Variants in LRP2 observed in about 807,000 individuals in gnomAD.
The protein encoded by LRP2 is LDL receptor related protein 2, also known as low-density lipoprotein receptor-related protein 2.
A neutral mutation model predicts 531.0 loss-of-function variants in LRP2; 172 were observed. The observed-to-expected ratio is 0.32, with a 90% CI of 0.29 to 0.37. The LOEUF (loss-of-function observed/expected upper bound fraction) is 0.37. Among genes scored for constraint, LRP2 ranks in the 10% least tolerant of loss-of-function variants. The pLI is 1.00. For missense variants in LRP2, 5,167 were observed against 5,868.3 expected (o/e 0.88, Z 3.90); for synonymous variants, 1,992 against 2,027.6 (o/e 0.98, Z 0.47).
intron 14 of LRP2, among the ~76,000 whole-genome samples, chr2:169,273,687 ACTG>A (rs1683480677): frequency 6.6e-6 from 1 of 152,220 alleles, no homozygotes; most frequent in Non-Finnish European, 1.5e-5. Context: ...TAGGAAGAGC[ACTG>A]CCACAGCTAG....
At chr2:169,181,763 A>G (rs960068882) in intron 51 of LRP2, 145 bp from the exon 52 acceptor site, 36 of 664,074 alleles carry the variant, frequency 5.4e-5, no homozygotes, top group Non-Finnish European at 9.0e-5. Context: ...TTCAGAAAAG[A>G]AAGAGAGCTA....
chr2:169,147,095 A>C lies in LRP2; in HGVS notation c.12591-136T>G, dbSNP rs112018036. On this transcript the variant is annotated intron_variant, in intron 68 of 78. Coordinates refer to ENST00000649046, the MANE Select transcript of LRP2 (RefSeq NM_004525.3). ...GGGTGCTCAGTGACACCAGTTTTAT[A>C]TTTTACAGAAGATGGGGAGCAAAAA... 1.1e-5 allele frequency: 8 copies of C among 721,816 alleles called. No homozygotes were observed. The South Asian group carries it at 1.3e-4, about 11-fold the overall frequency. The allele number at this position is 721,816 out of a possible 1,614,324, so 44.7% of individuals were successfully genotyped here. A position where few individuals can be genotyped will look rare whatever the true frequency, so the allele number is the denominator to read the frequency against.
At chr2:169,270,767 T>C (rs1683389310) in intron 16 of LRP2, 137 bp downstream of exon 16, 2 of 328,374 alleles carry the variant, frequency 6.1e-6, no homozygotes, top group Non-Finnish European at 1.1e-5. Flanking sequence ...TATAAATAAA[T>C]AAATAAATAA....
chr2:169,273,925 T>A (rs1204789161), intron 14 of LRP2, among the ~76,000 whole-genome samples: 2 of 152,146 alleles, frequency 1.3e-5, no homozygotes, highest in Non-Finnish European at 2.9e-5. Flanking sequence ...TAAAAACTAT[T>A]CAAAACAGAT....
chr2:169,171,055 C>A (rs1423855858), intron 58 of LRP2, among the ~76,000 whole-genome samples: 1 of 150,876 alleles, frequency 6.6e-6, no homozygotes, highest in East Asian at 1.9e-4. Context: ...TCCACCATGC[C>A]CAGCTTGATT....
chr2:169,246,814 G>C lies in LRP2; in HGVS notation c.3081C>G (p.Gly1027=). 2 of 1,614,170 alleles carry C rather than the reference G, an allele frequency of 1.2e-6. No homozygotes were observed. The highest frequency in any genetic ancestry group is 1.7e-6 in the Non-Finnish European group (2 of 1,180,040). The change falls in exon 21 of 79, where the codon GGC becomes GGG. Residue 1027 remains glycine (G), a synonymous_variant. Transcript: ENST00000649046. ...CATTTTTACAGGGGAAGGAAAATAAGCCACACTGCTCTGTGGGTGGTTCAT... is the reference window on the plus strand; with the variant it reads ...CATTTTTACAGGGGAAGGAAAATAACCCACACTGCTCTGTGGGTGGTTCAT... ...PTNEPPTEQC[G]LFSFPCKNGR...
Position 169,234,898 on chromosome 2 carries a change from T to C in LRP2, c.4920+942A>G, listed in dbSNP as rs1307429075. 2.1e-5 allele frequency among the ~76,000 whole-genome samples: 3 copies of C among 145,714 alleles called. No homozygotes were observed. In the Admixed American group the frequency reaches 2.1e-4, roughly 10 times the overall value. ...GAAGAACAAGACTGAGAAATATAAA[T>C]CTAGTTAATTTTTGTTTTTTTTTTT... On this transcript the variant is annotated intron_variant, in intron 29 of 78. Coordinates refer to ENST00000649046, the MANE Select transcript of LRP2 (RefSeq NM_004525.3).
intron 70 of LRP2, 140 bp downstream of exon 70, chr2:169,145,607 C>CGTTT: frequency 1.2e-6 from 1 of 803,476 alleles, no homozygotes; most frequent in Non-Finnish European, 2.1e-6. Flanking sequence ...CCCCAGCAAA[C>CGTTT]GTACATACAC....
chr2:169,169,233 T>C (rs556240447), intron 60 of LRP2, among the ~76,000 whole-genome samples: 1 of 152,354 alleles, frequency 6.6e-6, no homozygotes, highest in Admixed American at 6.5e-5. Context: ...TCATCCCACC[T>C]GAGGAGAAAT....
chr2:169,299,135 G>T (rs974628434), intron 4 of LRP2, among the ~76,000 whole-genome samples: 1 of 64,214 alleles, frequency 1.6e-5, no homozygotes, highest in African/African-American at 5.7e-5. Flanking sequence ...AAGAAAGAAA[G>T]AAAGAAAGAA....
At chr2:169,150,717 T>C (rs141176949) in intron 68 of LRP2, among the ~76,000 whole-genome samples, 181 bp downstream of exon 68, 4 of 152,166 alleles carry the variant, frequency 2.6e-5, no homozygotes, top group Non-Finnish European at 5.9e-5. Flanking sequence ...CCATCAGAAA[T>C]GGTTGGTTCT....
chr2:169,280,102 T>G (rs897853869), intron 11 of LRP2, among the ~76,000 whole-genome samples: 1 of 152,226 alleles, frequency 6.6e-6, no homozygotes, highest in Non-Finnish European at 1.5e-5. Context: ...TTTCTTTTAA[T>G]TAGGCTCCTG....
At chr2:169,315,898 G>GGATC (rs1438953758) in intron 3 of LRP2, among the ~76,000 whole-genome samples, 1 of 149,732 alleles carries the variant, frequency 6.7e-6, no homozygotes, top group African/African-American at 2.5e-5. Context: ...CAAGGTGGGT[G>GGATC]GATCACTTCA....
chr2:169,140,374 T>C lies in LRP2; in HGVS notation c.13199+81A>G, dbSNP rs1685674341. 12 of 1,092,306 alleles carry C rather than the reference T, an allele frequency of 1.1e-5. 1 individual carries two copies. In the South Asian group the frequency reaches 1.5e-4, roughly 14 times the overall value. 67.7% of individuals were successfully genotyped at this position (1,092,306 alleles called of 1,614,324 possible). A position where few individuals can be genotyped will look rare whatever the true frequency, so the allele number is the denominator to read the frequency against. On this transcript the variant is annotated intron_variant, in intron 72 of 78. Coordinates refer to ENST00000649046, the MANE Select transcript of LRP2 (RefSeq NM_004525.3). ...AGTGAACTGGTGAGGTTCCTGTATT[T>C]GTTTTCCTGGCTACTTTAAGGTCTC... is the stretch of plus-strand genomic sequence containing the variant.
rs962446634 is a variant in LRP2 at position 169,275,206 on chromosome 2, G to A, written c.1805C>T (p.Pro602Leu). The part of the protein sequence containing the change: ...KTVVHGGSLI[P>L]HPFGVSLFEG... ...AAATAAGCTTACTCCAAAGGGATGAGGAATGAGGGAGCCTCCATGAACTAC... is the reference window on the plus strand; with the variant it reads ...AAATAAGCTTACTCCAAAGGGATGAAGAATGAGGGAGCCTCCATGAACTAC... Residue 602 changes from proline to leucine, a missense_variant, in exon 14 of 79, where the codon CCT becomes CTT. By Grantham distance (98) the Pro-to-Leu change is moderately conservative. Transcript: ENST00000649046. The A allele has an allele frequency of 4.3e-6, 7 of 1,613,590 alleles. No homozygotes were observed. Among genetic ancestry groups the A allele is most frequent in the African/African-American group, 1.3e-5 (1 of 74,880 alleles).
At chr2:169,188,301 T>G (rs370559643) in intron 48 of LRP2, 36 bp from the exon 49 acceptor site, 1 of 1,609,502 alleles carries the variant, frequency 6.2e-7, no homozygotes, top group Admixed American at 1.7e-5. Context: ...TTCAGAGAGG[T>G]TGGCAATAAA....
At chr2:169,218,129 C>T (rs890179865) in intron 34 of LRP2, among the ~76,000 whole-genome samples, 1 of 152,172 alleles carries the variant, frequency 6.6e-6, no homozygotes, top group African/African-American at 2.4e-5. Context: ...AAGACTTTCT[C>T]TTCACTGAGA....
chr2:169,298,333 G>C (rs1053478430), intron 4 of LRP2, among the ~76,000 whole-genome samples: 1 of 152,004 alleles, frequency 6.6e-6, no homozygotes. Flanking sequence ...TAAATACTAT[G>C]ATGACTCCCA....
intron 3 of LRP2, among the ~76,000 whole-genome samples, chr2:169,313,373 G>A (rs1684670509): frequency 6.6e-6 from 1 of 152,282 alleles, no homozygotes; most frequent in East Asian, 1.9e-4. Context: ...TGATGGTGAT[G>A]TACAGATGGG....
Sources: allele counts gnomAD v4.1 joint callset (sites outside exome capture counted in the v4.1 genomes callset), GRCh38; gene constraint gnomAD v4.1.1; transcripts MANE v1.5; gene names NCBI Gene and HGNC (gene_info 2026-07-23, HGNC 2026-07-21).